The following IVD variants were observed in gnomAD, a reference collection of about 807,000 sequenced individuals.
IVD encodes isovaleryl-CoA dehydrogenase, also known as isovaleryl-CoA dehydrogenase, mitochondrial.
A neutral mutation model predicts 51.3 loss-of-function variants in IVD; 31 were observed. The ratio of observed to expected loss-of-function variants is 0.60; its 90% CI spans 0.45 to 0.81. The LOEUF is 0.81. Among genes scored for constraint, IVD ranks in the 40% least tolerant of loss-of-function variants. IVD has a pLI of 0.00. For missense variants in IVD, 475 were observed against 552.0 expected, an observed-to-expected ratio of 0.86 and a Z score of 1.40; for synonymous variants, 205 against 219.4, an observed-to-expected ratio of 0.93 and a Z score of 0.58.
downstream of IVD, among the ~76,000 whole-genome samples, chr15:40,422,216 T>C (rs527610881): frequency 7.3e-6 from 1 of 136,570 alleles, no homozygotes; most frequent in East Asian, 2.7e-4. Flanking sequence ...ACGTTTTGTT[T>C]TAGCCAATAA....
intron 8 of IVD, 55 bp downstream of exon 8, chr15:40,415,037 AC>A: frequency 6.3e-7 from 1 of 1,596,342 alleles, no homozygotes. Flanking sequence ...TCGGCAGGTG[AC>A]CCACCATGAG....
chr15:40,410,567 A>G (rs1054225918), intron 3 of IVD, 61 bp from the exon 4 acceptor site: 4 of 1,586,882 alleles, frequency 2.5e-6, no homozygotes, highest in South Asian at 2.2e-5. Context: ...AAGATTCTTA[A>G]TGAATGTCCC....
intron 3 of IVD, among the ~76,000 whole-genome samples, chr15:40,409,483 C>A (rs1890818255): frequency 1.3e-5 from 2 of 152,184 alleles, no homozygotes. Context: ...GTTCTGGTTT[C>A]TGCATGATGT....
At chr15:40,406,015 G>T (rs776474354) in intron 1 of IVD, 44 bp downstream of exon 1, 79 of 1,239,232 alleles carry the variant, frequency 6.4e-5, no homozygotes, top group South Asian at 3.9e-4. Flanking sequence ...CCTCCTTCCT[G>T]CCTGGTCCCC....
chr15:40,426,310 G>A (rs1449751967), downstream of IVD, among the ~76,000 whole-genome samples: 1 of 152,062 alleles, frequency 6.6e-6, no homozygotes, highest in Non-Finnish European at 1.5e-5. Flanking sequence ...GGCCGAGGCG[G>A]GTGGATCACC....
At position 40,419,148 on chromosome 15, in the gene IVD, A is replaced by C; in HGVS notation, c.*885A>C. 2.3e-6 allele frequency: 3 copies of C among 1,289,128 alleles called. No homozygotes were observed. The highest frequency in any genetic ancestry group is 3.0e-6 in the Non-Finnish European group (3 of 988,820). 79.9% of individuals were successfully genotyped at this position (1,289,128 alleles called of 1,614,324 possible). A position where few individuals can be genotyped will look rare whatever the true frequency, so the allele number is the denominator to read the frequency against. On this transcript the variant is annotated 3_prime_UTR_variant, in exon 12 of 12. Transcript: ENST00000487418. ...CAAAACTCTTCAAAAAACAAAACAA[A>C]ACAAAAAAACCCTGGCCCTTGTTTC...
At chr15:40,415,327 C>A in intron 8 of IVD, 74 bp from the exon 9 acceptor site, 1 of 1,304,548 alleles carries the variant, frequency 7.7e-7, no homozygotes, top group Non-Finnish European at 1.1e-6. Context: ...CTGGCCTTCC[C>A]ACGCTAGCAT....
At chr15:40,423,116 T>G (rs1359478153), downstream of IVD, among the ~76,000 whole-genome samples, 1 of 151,904 alleles carries the variant, frequency 6.6e-6, no homozygotes, top group Non-Finnish European at 1.5e-5. Flanking sequence ...TTTTTGTATT[T>G]TTTGTAGAGC....
At chr15:40,406,830 G>C (rs1266330872) in intron 1 of IVD, among the ~76,000 whole-genome samples, 1 of 151,792 alleles carries the variant, frequency 6.6e-6, no homozygotes, top group Non-Finnish European at 1.5e-5. Context: ...CTATTCTCAA[G>C]CTTTCCTGGC....
chr15:40,422,052 A>G (rs1892339842), downstream of IVD, among the ~76,000 whole-genome samples: 2 of 152,240 alleles, frequency 1.3e-5, no homozygotes, highest in African/African-American at 4.8e-5. Flanking sequence ...CTTCGAGCGC[A>G]GCACTGGCTT....
intron 8 of IVD, 90 bp from the exon 9 acceptor site, chr15:40,415,310 TG>T: frequency 8.7e-7 from 1 of 1,147,938 alleles, no homozygotes; most frequent in Non-Finnish European, 1.3e-6. Flanking sequence ...TTCTCCTCCC[TG>T]GGATTCTGGC....
At chr15:40,415,685 T>C (rs112852617) in intron 9 of IVD, among the ~76,000 whole-genome samples, 2,056 of 152,316 alleles carry the variant, frequency 0.013, 44 homozygotes, top group African/African-American at 0.047. Flanking sequence ...CCTCGATTCC[T>C]GTGTGAGGTG....
At chr15:40,435,518 A>T in exon 9 of IVD, 1 of 1,247,888 alleles carries the variant, frequency 8.0e-7, no homozygotes. Context: ...GAGATGCAAG[A>T]TCCTCCTGCC....
At position 40,418,441 on chromosome 15, in the gene IVD, C is replaced by T; in HGVS notation, c.*178C>T. The stretch of plus-strand genomic sequence containing the variant: ...CAGCTCCCAAGCATCATGGGCCTCG[C>T]AGCCGGGCCTGTGCCACGGCTAGTG... On this transcript the variant is annotated 3_prime_UTR_variant, in exon 12 of 12. Transcript: ENST00000487418. 2.0e-6 allele frequency: 3 copies of T among 1,503,986 alleles called. No individual in the cohort carries two copies. The highest frequency in any genetic ancestry group is 1.2e-5 in the South Asian group (1 of 81,594). The allele number at this position is 1,503,986 out of a possible 1,614,324, so 93.2% of individuals were successfully genotyped here.
rs1018530714 is a variant in IVD at position 40,421,179 on chromosome 15, A to G, written c.*2916A>G. On this transcript the variant is annotated 3_prime_UTR_variant, in exon 12 of 12. Coordinates refer to ENST00000487418, the MANE Select transcript of IVD (RefSeq NM_002225.5). The stretch of plus-strand genomic sequence containing the variant: ...GGCTGGAGAGACCAGCCTGGAGACA[A>G]TGTGGCAAAATGGGGCGCTTCATCC... 13 of 985,360 alleles carry G rather than the reference A, an allele frequency of 1.3e-5. No homozygotes were observed. The African/African-American group carries it at 2.1e-4, about 16-fold the overall frequency. The allele number at this position is 985,360 out of a possible 1,614,324, so 61.0% of individuals were successfully genotyped here.
chr15:40,422,029 A>G (rs563535406), downstream of IVD, among the ~76,000 whole-genome samples: 66 of 152,318 alleles, frequency 4.3e-4, 1 homozygote, highest in South Asian at 8.5e-3. Flanking sequence ...CTCTCCCTCG[A>G]GGCAGCGCGC....
At chr15:40,417,619 C>T (rs1465839856) in intron 11 of IVD, among the ~76,000 whole-genome samples, 2 of 151,974 alleles carry the variant, frequency 1.3e-5, no homozygotes, top group South Asian at 2.1e-4. Flanking sequence ...ATGTTTGGTA[C>T]GTGAATCGTC....
intron 8 of IVD, among the ~76,000 whole-genome samples, chr15:40,434,553 G>A (rs530639081): frequency 1.5e-4 from 23 of 152,264 alleles, no homozygotes; most frequent in African/African-American, 4.8e-4. Flanking sequence ...AAAGACTTAC[G>A]GGCAAAGCAG....
chr15:40,420,708 C>G lies in IVD; in HGVS notation c.*2445C>G. On this transcript the variant is annotated 3_prime_UTR_variant, in exon 12 of 12. Coordinates refer to ENST00000487418, the MANE Select transcript of IVD (RefSeq NM_002225.5). ...AGCTTATAGATTTCTGAAAACCGCC[C>G]CTTTGTTTTTAAAAAGATCAACACA... 1.0e-6 allele frequency: 1 copy of G among 986,238 alleles called. No individual in the cohort carries two copies. Among genetic ancestry groups the G allele is most frequent in the Non-Finnish European group, 1.2e-6 (1 of 830,066 alleles). 61.1% of individuals were successfully genotyped at this position (986,238 alleles called of 1,614,324 possible).
Sources: allele counts gnomAD v4.1 joint callset (sites outside exome capture counted in the v4.1 genomes callset), GRCh38; gene constraint gnomAD v4.1.1; transcripts MANE v1.5; gene names NCBI Gene and HGNC (gene_info 2026-07-23, HGNC 2026-07-21).